Variants in NF2 observed in about 807,000 individuals in gnomAD.
The protein encoded by NF2 is merlin.
Under a neutral mutation model 83.7 loss-of-function variants are expected in NF2, and 8 were observed. The ratio of observed to expected loss-of-function variants is 0.10; its 90% confidence interval spans 0.06 to 0.17. The LOEUF (loss-of-function observed/expected upper bound fraction) is 0.17, where lower values mean the gene tolerates loss of function less well. NF2 is among the 10% of genes least tolerant of loss of function. The pLI is 1.00. For missense variants in NF2, 533 were observed against 744.4 expected (o/e 0.72, Z 3.31); for synonymous variants, 266 against 269.6 (o/e 0.99, Z 0.13).
intron 1 of NF2, among the ~76,000 whole-genome samples, chr22:29,607,116 A>G (rs778128205): frequency 6.6e-6 from 1 of 152,190 alleles, no homozygotes; most frequent in Non-Finnish European, 1.5e-5. Flanking sequence ...ATCATTATAC[A>G]TTGTATATTA....
chr22:29,671,204 G>A (rs1446336226), intron 10 of NF2, among the ~76,000 whole-genome samples: 1 of 152,176 alleles, frequency 6.6e-6, no homozygotes, highest in Non-Finnish European at 1.5e-5. Flanking sequence ...AGCAACATTG[G>A]CAAGGTAGCC....
At chr22:29,607,242 C>T (rs890211497) in intron 1 of NF2, among the ~76,000 whole-genome samples, 1 of 152,176 alleles carries the variant, frequency 6.6e-6, no homozygotes, top group Non-Finnish European at 1.5e-5. Flanking sequence ...TTCCTCCAAA[C>T]AGCCACAATT....
At chr22:29,661,106 T>C (rs2147005489) in intron 7 of NF2, 99 bp from the exon 8 acceptor site, 3 of 1,545,430 alleles carry the variant, frequency 1.9e-6, no homozygotes, top group Admixed American at 3.3e-5. Context: ...CTGCTGAAAC[T>C]TGTCACATGT....
intron 15 of NF2, 73 bp downstream of exon 15, chr22:29,681,674 T>A: frequency 1.3e-6 from 2 of 1,579,334 alleles, no homozygotes; most frequent in South Asian, 2.2e-5. Flanking sequence ...GGCATCTGGT[T>A]TCCTCAGTAG....
rs2067478405 is a variant in NF2, at chr22:29,694,073, TG to T, written c.1738-678del. Among the ~76,000 whole-genome samples, 1 of 152,230 alleles carries T rather than the reference TG, an allele frequency of 6.6e-6. No homozygotes were observed. Among genetic ancestry groups the T allele is most frequent in the African/African-American group, 2.4e-5 (1 of 41,450 alleles). ...CCATCCCCTTCCACATCTCCCTGAC[TG>T]TCCTTCTTTACATTTGCTGGGCAGA... is the stretch of plus-strand genomic sequence containing the variant. On this transcript the variant is annotated intron_variant, in intron 15 of 15. Coordinates refer to ENST00000338641, the MANE Select transcript of NF2 (RefSeq NM_000268.4). This position sits in a 1 kb window ranked among gnomAD's most constrained non-coding sequence, Gnocchi z 4.1.
Position 29,681,455 on chromosome 22 carries a change from A to G in NF2, c.1591A>G (p.Lys531Glu). ...IEKEKVEYMEKSKHLQEQLNE... is the reference protein window; with the variant it reads ...IEKEKVEYMEESKHLQEQLNE... ...TGCCGGCAGAGTGGAATACATGGAA[A>G]AGAGCAAGCATCTGCAGGAGCAGCT... is the stretch of plus-strand genomic sequence containing the variant. Residue 531 changes from lysine (K) to glutamate (E), a missense_variant, in exon 15 of 16, where the codon AAG (lysine) becomes GAG (glutamate). Around this residue, in one of 3 missense-constraint regions of NF2, gnomAD observed 199 missense variants for 240.7 expected, o/e 0.83. Coordinates refer to ENST00000338641, the MANE Select transcript of NF2 (RefSeq NM_000268.4). 1.9e-6 allele frequency: 3 copies of G among 1,614,168 alleles called. No homozygotes were observed. The highest frequency in any genetic ancestry group is 2.5e-6 in the Non-Finnish European group (3 of 1,180,028).
intron 1 of NF2, among the ~76,000 whole-genome samples, chr22:29,607,933 G>A (rs890308380): frequency 6.6e-5 from 10 of 151,994 alleles, no homozygotes; most frequent in Non-Finnish European, 1.2e-4. Flanking sequence ...AGCACTTTGG[G>A]AGGCTGAGGC....
intron 1 of NF2, among the ~76,000 whole-genome samples, chr22:29,620,762 G>T (rs111543386): frequency 6.6e-6 from 1 of 151,874 alleles, no homozygotes; most frequent in Admixed American, 6.6e-5. Flanking sequence ...CCCTACGTTG[G>T]TTGCTCAGGC....
chr22:29,649,632 C>T (rs760101339), intron 4 of NF2, among the ~76,000 whole-genome samples: 8 of 152,084 alleles, frequency 5.3e-5, no homozygotes, highest in Non-Finnish European at 1.0e-4. Context: ...ATCCCAGCTA[C>T]TCAGGAGGCT....
chr22:29,678,703 G>A (rs1034075378), intron 14 of NF2, among the ~76,000 whole-genome samples: 2 of 152,148 alleles, frequency 1.3e-5, no homozygotes, highest in Admixed American at 1.3e-4. Flanking sequence ...TCCAGCAACT[G>A]GGATCTGTGG....
intron 1 of NF2, among the ~76,000 whole-genome samples, chr22:29,626,414 A>AGG (rs2065369971): frequency 6.6e-6 from 1 of 151,896 alleles, no homozygotes; most frequent in Admixed American, 6.6e-5. Context: ...GGTCTCCCAA[A>AGG]GTGCTGGGAT....
chr22:29,607,502 G>T (rs1020350044), intron 1 of NF2, among the ~76,000 whole-genome samples: 2 of 152,150 alleles, frequency 1.3e-5, no homozygotes, highest in Admixed American at 1.3e-4. Context: ...AAATAATCCA[G>T]CCAGTCGCTA....
intron 8 of NF2, among the ~76,000 whole-genome samples, chr22:29,661,576 AT>A (rs2066479296): frequency 1.3e-5 from 2 of 152,242 alleles, no homozygotes. Context: ...ACCCCAAAGA[AT>A]AGTGAACAAA....
rs2065649457 is a variant in NF2 at position 29,636,439 on chromosome 22, A to G, written c.115-312A>G. On this transcript the variant is annotated intron_variant, in intron 1 of 15. Coordinates refer to ENST00000338641, the MANE Select transcript of NF2 (RefSeq NM_000268.4). The surrounding 1 kb of genome is among the most constrained non-coding windows in gnomAD (Gnocchi z 4.4). Reference sequence around the variant, plus strand: ...TCCCCGAGTTAACTTAAGAGGCTAGACTCTCCTAAATGAGGATGCTTATTT... The same window carrying G: ...TCCCCGAGTTAACTTAAGAGGCTAGGCTCTCCTAAATGAGGATGCTTATTT... Among the ~76,000 whole-genome samples the G allele has an allele frequency of 6.6e-6, 1 of 152,102 alleles. No homozygotes were observed. Among genetic ancestry groups the G allele is most frequent in the South Asian group, 2.1e-4 (1 of 4,826 alleles).
At chr22:29,606,205 C>T (rs1201907309) in intron 1 of NF2, among the ~76,000 whole-genome samples, 10 of 152,146 alleles carry the variant, frequency 6.6e-5, no homozygotes, top group Admixed American at 2.6e-4. Flanking sequence ...CCACCTGCCT[C>T]GGCCTCCCAA....
chr22:29,677,218 C>T (rs563798045), intron 13 of NF2, among the ~76,000 whole-genome samples: 1 of 152,054 alleles, frequency 6.6e-6, no homozygotes, highest in South Asian at 2.1e-4. Context: ...ATTAGAGAAC[C>T]GTAAACACAG....
chr22:29,608,515 A>C (rs1315087413), intron 1 of NF2, among the ~76,000 whole-genome samples: 2 of 151,792 alleles, frequency 1.3e-5, no homozygotes, highest in Non-Finnish European at 2.9e-5. Flanking sequence ...CAAAAATACA[A>C]AAATTTAGTT....
In NF2 at chr22:29,622,646, A is replaced by ATTT. The variant is rs35744962; in HGVS notation, c.115-14080_115-14078dup. Among the ~76,000 whole-genome samples, 66 of 63,280 alleles carry ATTT rather than the reference A, an allele frequency of 1.0e-3. 6 individuals carry two copies. Among genetic ancestry groups the ATTT allele is most frequent in the South Asian group, 1.8e-3 (3 of 1,640 alleles). 41.5% of individuals were successfully genotyped at this position (63,280 alleles called of 152,430 possible). Reference sequence around the variant, plus strand: ...ACAGTTCAGTTTTGGAAGACCCTGTATTTTTTTTTTTTTTTTTTTTTTTTT... The same window carrying ATTT: ...ACAGTTCAGTTTTGGAAGACCCTGTATTTTTTTTTTTTTTTTTTTTTTTTTTTT... On this transcript the variant is annotated intron_variant, in intron 1 of 15. Transcript: ENST00000338641.
chr22:29,616,040 A>G (rs1428799719), intron 1 of NF2, among the ~76,000 whole-genome samples: 1 of 152,216 alleles, frequency 6.6e-6, no homozygotes, highest in Non-Finnish European at 1.5e-5. Flanking sequence ...TGGACCTTGA[A>G]AACACTATGC....
Sources: gnomAD v4.1 joint callset for allele counts (sites outside exome capture counted in the v4.1 genomes callset) on GRCh38, gnomAD v4.1.1 for gene constraint, gnomAD v4.1.1 regional missense constraint, Gnocchi (gnomAD v3.1) non-coding constraint, MANE v1.5 for transcripts, NCBI Gene and HGNC (gene_info 2026-07-23, HGNC 2026-07-21) for gene names.